FSHR: variants seen among roughly 807,000 people sequenced by gnomAD.
FSHR encodes the protein follicle stimulating hormone receptor.
FSHR carries 46 observed loss-of-function variants against 52.1 expected under a neutral mutation model. That is an observed-to-expected ratio of 0.88 (90% CI 0.70 to 1.13). The LOEUF is 1.13. Ranked by LOEUF, FSHR falls within the 50% of genes most tolerant of loss-of-function variation. The pLI, the probability that FSHR is intolerant of heterozygous loss-of-function variation, is 0.00. For synonymous variants in FSHR, 399 were observed against 309.6 expected (o/e 1.29, Z -3.03); for missense variants, 964 against 834.6 (o/e 1.16, Z -1.91).
chr2:49,021,831 T>TTTTC (rs760578631), intron 2 of FSHR, among the ~76,000 whole-genome samples: 39 of 46,510 alleles, frequency 8.4e-4, no homozygotes, highest in African/African-American at 2.2e-3. Context: ...GGGTATGTGT[T>TTTTC]TCTCTCTCTC....
At chr2:49,020,384 A>T (rs1018219193) in intron 2 of FSHR, among the ~76,000 whole-genome samples, 1 of 152,204 alleles carries the variant, frequency 6.6e-6, no homozygotes, top group African/African-American at 2.4e-5. Flanking sequence ...CTCACCTTGG[A>T]GATTATCCAG....
At chr2:49,011,670 C>CAA (rs1467282034) in intron 4 of FSHR, among the ~76,000 whole-genome samples, 10 of 151,950 alleles carry the variant, frequency 6.6e-5, no homozygotes, top group Non-Finnish European at 1.5e-4. Flanking sequence ...GTTAAGGTTC[C>CAA]TACTTTTCAG....
At chr2:49,002,586 G>T (rs1666937573) in intron 4 of FSHR, among the ~76,000 whole-genome samples, 1 of 152,066 alleles carries the variant, frequency 6.6e-6, no homozygotes, top group Non-Finnish European at 1.5e-5. Flanking sequence ...AAGGGGAAAA[G>T]CCCGTTATAA....
chr2:49,044,722 G>A (rs1177377092), intron 2 of FSHR, among the ~76,000 whole-genome samples: 3 of 151,828 alleles, frequency 2.0e-5, no homozygotes, highest in Non-Finnish European at 2.9e-5. Context: ...CACAATTTTA[G>A]CTGTGTTTGA....
chr2:49,134,898 C>G (rs1013381289), intron 1 of FSHR, among the ~76,000 whole-genome samples: 4 of 152,176 alleles, frequency 2.6e-5, no homozygotes, highest in African/African-American at 9.6e-5. Context: ...GGGAACATCA[C>G]ACTCTGGGGA....
intron 1 of FSHR, among the ~76,000 whole-genome samples, chr2:49,069,320 T>C (rs1170407072): frequency 6.6e-6 from 1 of 152,122 alleles, no homozygotes; most frequent in African/African-American, 2.4e-5. Flanking sequence ...GTTTGGAACA[T>C]TTCTCTCTCA....
At chr2:49,146,004 G>C (rs1251296788) in intron 1 of FSHR, among the ~76,000 whole-genome samples, 1 of 152,020 alleles carries the variant, frequency 6.6e-6, no homozygotes, top group Non-Finnish European at 1.5e-5. Flanking sequence ...TAAGAGAAGA[G>C]ATGAGATAGA....
At chr2:49,127,638 GA>G (rs1672055424) in intron 1 of FSHR, among the ~76,000 whole-genome samples, 1 of 151,770 alleles carries the variant, frequency 6.6e-6, no homozygotes, top group Non-Finnish European at 1.5e-5. Context: ...TTCCTTCTCT[GA>G]TACACACTCT....
intron 1 of FSHR, among the ~76,000 whole-genome samples, chr2:49,069,260 A>G (rs1013528874): frequency 6.6e-6 from 1 of 152,080 alleles, no homozygotes; most frequent in Admixed American, 6.6e-5. Flanking sequence ...AATTCCTCGG[A>G]CAAGCCAGGT....
intron 2 of FSHR, among the ~76,000 whole-genome samples, chr2:49,056,487 T>C (rs1427497340): frequency 8.7e-6 from 1 of 115,248 alleles, no homozygotes; most frequent in Non-Finnish European, 1.8e-5. Context: ...TATATATATA[T>C]CCAACACCAG....
In FSHR at chr2:49,034,389, C is replaced by T. The variant is rs187898950; in HGVS notation, c.225-14229G>A. On this transcript the variant is annotated intron_variant, in intron 2 of 9. Coordinates refer to ENST00000406846, the MANE Select transcript of FSHR (RefSeq NM_000145.4). ...AATGTGGTTAACTTCCCCAAATCTC[C>T]TCTATTAAGGAGTCACTGTGGCCCT... is the stretch of plus-strand genomic sequence containing the variant. Among the ~76,000 whole-genome samples, 170 of 152,298 alleles carry T rather than the reference C, an allele frequency of 1.1e-3. 2 individuals carry two copies. The highest frequency in any genetic ancestry group is 3.8e-3 in the African/African-American group (157 of 41,556).
In FSHR at chr2:49,142,504, A is replaced by G. The variant is rs535332200; in HGVS notation, c.152+11762T>C. The stretch of plus-strand genomic sequence containing the variant: ...CATGGCAAAGCACATTAGCTCCACA[A>G]GGAAAGATATTTTGTCTGTTTTGCT... On this transcript the variant is annotated intron_variant, in intron 1 of 9. Coordinates refer to ENST00000406846, the MANE Select transcript of FSHR (RefSeq NM_000145.4). 5.6e-4 allele frequency among the ~76,000 whole-genome samples: 85 copies of G among 152,348 alleles called. No homozygotes were observed. The Middle Eastern group carries it at 0.01, about 18-fold the overall frequency.
intron 2 of FSHR, among the ~76,000 whole-genome samples, chr2:49,041,927 G>T (rs1396808798): frequency 6.6e-6 from 1 of 152,266 alleles, no homozygotes; most frequent in Non-Finnish European, 1.5e-5. Context: ...CAAGCAGATT[G>T]CTTGAGCCTA....
intron 2 of FSHR, among the ~76,000 whole-genome samples, chr2:49,030,156 A>G (rs991785198): frequency 6.6e-6 from 1 of 152,162 alleles, no homozygotes; most frequent in Non-Finnish European, 1.5e-5. Context: ...TAAAGACAGC[A>G]TATGTTTTAT....
chr2:49,038,360 G>A (rs1008886646), intron 2 of FSHR, among the ~76,000 whole-genome samples: 12 of 152,050 alleles, frequency 7.9e-5, no homozygotes, highest in Non-Finnish European at 1.5e-4. Flanking sequence ...AGTGGCTCAC[G>A]CCTGTAATCC....
intron 1 of FSHR, among the ~76,000 whole-genome samples, chr2:49,070,906 G>A (rs1009237772): frequency 2.0e-5 from 3 of 151,984 alleles, no homozygotes; most frequent in Non-Finnish European, 4.4e-5. Context: ...AAATCCCCAG[G>A]GGCTCAAAGT....
intron 2 of FSHR, among the ~76,000 whole-genome samples, chr2:49,062,582 A>G (rs1184589074): frequency 6.6e-6 from 1 of 152,066 alleles, no homozygotes. Flanking sequence ...ATGTTAAATT[A>G]AAAAGCATCT....
intron 1 of FSHR, among the ~76,000 whole-genome samples, chr2:49,130,953 T>C (rs1001025935): frequency 6.6e-6 from 1 of 152,114 alleles, no homozygotes; most frequent in African/African-American, 2.4e-5. Flanking sequence ...GGGAGGTAAA[T>C]GGGCTTCTCT....
rs1024764753 is a variant in FSHR, at chr2:48,990,732, G to C, written c.375-95C>G. 2.4e-5 allele frequency: 20 copies of C among 818,990 alleles called. No individual in the cohort carries two copies. In the Admixed American group the frequency reaches 3.5e-4, roughly 14 times the overall value. The allele number at this position is 818,990 out of a possible 1,614,324, so 50.7% of individuals were successfully genotyped here. A position where few individuals can be genotyped will look rare whatever the true frequency, so the allele number is the denominator to read the frequency against. The stretch of plus-strand genomic sequence containing the variant: ...TTTCCAGAATAAAAATATCAATTTT[G>C]AACCATCAGAAAAATCTACGAGAAA... On this transcript the variant is annotated intron_variant, in intron 4 of 9. Coordinates refer to ENST00000406846, the MANE Select transcript of FSHR (RefSeq NM_000145.4).
Sources: allele counts gnomAD v4.1 joint callset (sites outside exome capture counted in the v4.1 genomes callset), GRCh38; gene constraint gnomAD v4.1.1; transcripts MANE v1.5; gene names NCBI Gene and HGNC (gene_info 2026-07-23, HGNC 2026-07-21).